Variants in ASS1 observed in about 807,000 individuals in gnomAD.
The protein encoded by ASS1 is argininosuccinate synthase 1.
Under a neutral mutation model 60.5 loss-of-function variants are expected in ASS1, and 58 were observed. The ratio of observed to expected loss-of-function variants is 0.96; its 90% confidence interval spans 0.78 to 1.19. The LOEUF (loss-of-function observed/expected upper bound fraction) is 1.19. Among genes scored for constraint, ASS1 ranks in the 50% most tolerant of loss-of-function variants. The probability of loss-of-function intolerance (pLI) is 0.00; values close to 1 mark genes in which losing one functional copy is unlikely to be tolerated. For missense variants in ASS1, 454 were observed against 547.3 expected, an observed-to-expected ratio of 0.83 and a Z score of 1.70; for synonymous variants, 200 against 206.9, an observed-to-expected ratio of 0.97 and a Z score of 0.29.
chr9:130,451,647 C>T (rs1845329104), intron 1 of ASS1: 2 of 360,306 alleles, frequency 5.6e-6, no homozygotes, highest in African/African-American at 2.1e-5. Flanking sequence ...TTCTTGTGCC[C>T]TCTGTGACCT....
chr9:130,485,685 C>T (rs1195100917), intron 11 of ASS1, among the ~76,000 whole-genome samples: 23 of 152,126 alleles, frequency 1.5e-4, no homozygotes, highest in Admixed American at 1.4e-3. Flanking sequence ...CCAAAATGTA[C>T]CCAAACTAAT....
At chr9:130,492,695 A>G (rs1846477142) in intron 12 of ASS1, among the ~76,000 whole-genome samples, 1 of 152,228 alleles carries the variant, frequency 6.6e-6, no homozygotes. Flanking sequence ...CTTCAGCAAT[A>G]AAATGGGTAT....
At chr9:130,448,456 A>G (rs929815595) in intron 1 of ASS1, among the ~76,000 whole-genome samples, 3 of 147,072 alleles carry the variant, frequency 2.0e-5, no homozygotes, top group Admixed American at 6.9e-5. Flanking sequence ...TGTCTCAGGT[A>G]CACACGCCAG....
intron 9 of ASS1, among the ~76,000 whole-genome samples, chr9:130,479,407 G>C (rs1005735671): frequency 2.0e-5 from 3 of 152,138 alleles, no homozygotes; most frequent in African/African-American, 7.2e-5. Flanking sequence ...ATGGTGGAGC[G>C]TGAAATTCAA....
intron 11 of ASS1, among the ~76,000 whole-genome samples, chr9:130,481,659 C>T (rs1009078957): frequency 3.3e-5 from 5 of 152,298 alleles, no homozygotes; most frequent in Admixed American, 1.3e-4. Context: ...AAGTGTAATG[C>T]GGTAGGCGCT....
At chr9:130,450,624 C>T (rs1417420365) in intron 1 of ASS1, among the ~76,000 whole-genome samples, 1 of 152,208 alleles carries the variant, frequency 6.6e-6, no homozygotes. Flanking sequence ...GCAGGTGGGA[C>T]CGTGCAGCAT....
chr9:130,463,998 C>CACGCTCT, intron 4 of ASS1, 113 bp from the exon 5 acceptor site: 1 of 1,131,222 alleles, frequency 8.8e-7, no homozygotes, highest in African/African-American at 1.5e-5. Flanking sequence ...CACATGTGTA[C>CACGCTCT]ACGCTCTGCC....
At chr9:130,465,050 A>ATTTTT (rs1457866298) in intron 5 of ASS1, among the ~76,000 whole-genome samples, 1 of 91,306 alleles carries the variant, frequency 1.1e-5, no homozygotes, top group African/African-American at 4.9e-5. Context: ...ATATATATAT[A>ATTTTT]TATATATTTT....
chr9:130,460,249 G>A (rs1405006355), intron 4 of ASS1, among the ~76,000 whole-genome samples: 1 of 152,124 alleles, frequency 6.6e-6, no homozygotes, highest in Non-Finnish European at 1.5e-5. Context: ...ATTTGAGGGT[G>A]GCCTGGGAGA....
Position 130,499,620 on chromosome 9 carries a change from G to A in ASS1, c.1193+50G>A, listed in dbSNP as rs770239487. On this transcript the variant is annotated intron_variant, in intron 14 of 14. Transcript: ENST00000352480. The stretch of plus-strand genomic sequence containing the variant: ...GCCTTCAGAGCCTCCAGGTGTAAAG[G>A]GTAGGCTTTGAGAGCCCCCAGGTGT... 4 of 1,566,650 alleles carry A rather than the reference G, an allele frequency of 2.6e-6. No homozygotes were observed. The South Asian group carries it at 4.6e-5, about 18-fold the overall frequency.
chr9:130,499,679 C>A, intron 14 of ASS1, 109 bp downstream of exon 14: 1 of 954,614 alleles, frequency 1.0e-6, no homozygotes, highest in Non-Finnish European at 1.6e-6. Context: ...TTGACTGCTG[C>A]CCTGCCCTGC....
chr9:130,460,028 C>T (rs1215985), intron 4 of ASS1, among the ~76,000 whole-genome samples: 98,602 of 152,144 alleles, frequency 0.65, 34,864 homozygotes, highest in East Asian at 0.97. Flanking sequence ...CAGCGGACAG[C>T]ATGCCAAGAG....
intron 6 of ASS1, among the ~76,000 whole-genome samples, chr9:130,467,850 G>T (rs1845782509): frequency 6.6e-6 from 1 of 152,162 alleles, no homozygotes; most frequent in South Asian, 2.1e-4. Context: ...ATAGAGAGGG[G>T]CAGGGCCGAC....
At chr9:130,471,954 G>A (rs921157260) in intron 8 of ASS1, among the ~76,000 whole-genome samples, 30 of 152,090 alleles carry the variant, frequency 2.0e-4, no homozygotes, top group Admixed American at 1.9e-3. Flanking sequence ...GTCTGGATCC[G>A]TGTTGCACAC....
Position 130,491,367 on chromosome 9 carries a change from C to A in ASS1, c.970+1903C>A, listed in dbSNP as rs563371189. Among the ~76,000 whole-genome samples, 2 of 152,168 alleles carry A rather than the reference C, an allele frequency of 1.3e-5. No individual in the cohort carries two copies. Among genetic ancestry groups the A allele is most frequent in the Non-Finnish European group, 2.9e-5 (2 of 68,032 alleles). ...ACGGAGGCTGATCCCACCGTGGCCG[C>A]GGCCACGGCTGCCACTTATCCTGCC... On this transcript the variant is annotated intron_variant, in intron 12 of 14. Transcript: ENST00000352480. The surrounding 1 kb of genome is among the most constrained non-coding windows in gnomAD (Gnocchi z 5.3).
chr9:130,452,630 C>T (rs1314829671), intron 2 of ASS1, among the ~76,000 whole-genome samples: 6 of 152,342 alleles, frequency 3.9e-5, no homozygotes, highest in Middle Eastern at 3.4e-3. Flanking sequence ...AGCCTGCTTG[C>T]AGAGAGGCAT....
At chr9:130,450,806 G>A (rs1446590166) in intron 1 of ASS1, among the ~76,000 whole-genome samples, 4 of 152,370 alleles carry the variant, frequency 2.6e-5, no homozygotes, top group South Asian at 2.1e-4. Flanking sequence ...GGTGATGGCC[G>A]GGTGACCCTT....
chr9:130,448,422 G>GCGCACACA lies in ASS1; in HGVS notation c.-6+3428_-6+3429insGCACACAC, dbSNP rs71387350. On this transcript the variant is annotated intron_variant, in intron 1 of 14. Transcript: ENST00000352480. ...TGGGTGCACACAGGTGTGTGCGCGC[G>GCGCACACA]CACACACACACACACACACACACTG... Among the ~76,000 whole-genome samples, 878 of 143,286 alleles carry GCGCACACA rather than the reference G, an allele frequency of 6.1e-3. 7 individuals carry two copies. The highest frequency in any genetic ancestry group is 0.026 in the East Asian group (121 of 4,736). 94.0% of individuals were successfully genotyped at this position (143,286 alleles called of 152,430 possible).
chr9:130,470,571 T>A lies in ASS1; in HGVS notation c.496-263T>A, dbSNP rs1345264731. Among the ~76,000 whole-genome samples, 1 of 152,054 alleles carries A rather than the reference T, an allele frequency of 6.6e-6. No homozygotes were observed. The highest frequency in any genetic ancestry group is 1.9e-4 in the East Asian group (1 of 5,168). ...GCGTGCTTGCTCAGTGCTTCAGGGG[T>A]CCTTGAGATGTAGACTCAAAGTCTT... On this transcript the variant is annotated intron_variant, in intron 6 of 14. Transcript: ENST00000352480. This position sits in a 1 kb window ranked among gnomAD's most constrained non-coding sequence, Gnocchi z 4.3.
Sources: allele counts gnomAD v4.1 joint callset (sites outside exome capture counted in the v4.1 genomes callset), GRCh38; gene constraint gnomAD v4.1.1; non-coding constraint Gnocchi (gnomAD v3.1); transcripts MANE v1.5; gene names NCBI Gene and HGNC (gene_info 2026-07-23, HGNC 2026-07-21).